ABCC10: variants seen among roughly 807,000 people sequenced by gnomAD.
ABCC10 encodes ATP binding cassette subfamily C member 10.
Under a neutral mutation model 143.2 loss-of-function variants are expected in ABCC10, and 110 were observed. The ratio of observed to expected loss-of-function variants is 0.77; its 90% confidence interval spans 0.66 to 0.90. The LOEUF (loss-of-function observed/expected upper bound fraction) is 0.90, where lower values mean the gene tolerates loss of function less well. ABCC10 is among the 40% of genes least tolerant of loss of function. ABCC10 has a pLI of 0.00. For missense variants in ABCC10, 1,700 were observed against 1,900.5 expected, an observed-to-expected ratio of 0.89 and a Z score of 1.96; for synonymous variants, 805 against 846.7, an observed-to-expected ratio of 0.95 and a Z score of 0.85.
Position 43,432,303 on chromosome 6 carries a change from C to T in ABCC10, c.323C>T (p.Ala108Val). Residue 108 changes from alanine (A) to valine (V), a missense_variant, in exon 3 of 22, where the codon GCA becomes GTA. Ala to Val is a moderately conservative substitution (Grantham distance 64). Coordinates refer to ENST00000372530, the MANE Select transcript of ABCC10 (RefSeq NM_001198934.2). The stretch of plus-strand genomic sequence containing the variant: ...CTAGAGGTGTTGGCAGGGTGCGTGG[C>T]AGCTGTGGCCTGGATCAGCCACAGC... ...IGLEVLAGCV[A>V]AVAWISHSLA... 3.1e-6 allele frequency: 5 copies of T among 1,614,192 alleles called. No individual in the cohort carries two copies. The highest frequency in any genetic ancestry group is 8.5e-7 in the Non-Finnish European group (1 of 1,180,032).
At position 43,435,653 on chromosome 6, in the gene ABCC10, G is replaced by T; in HGVS notation, c.1609-98G>T. The T allele has an allele frequency of 5.0e-6, 7 of 1,404,956 alleles. No homozygotes were observed. The Middle Eastern group carries it at 1.2e-3, about 243-fold the overall frequency. The allele number at this position is 1,404,956 out of a possible 1,614,324, so 87.0% of individuals were successfully genotyped here. ...CAGCCAGCCCTTCAGTTCTGTCATT[G>T]CCCAGTTCTTCCCTCCGTAGACCTG... is the stretch of plus-strand genomic sequence containing the variant. On this transcript the variant is annotated intron_variant, in intron 4 of 21. Transcript: ENST00000372530.
In ABCC10 at chr6:43,432,197, T is replaced by C. The variant is rs569842976; in HGVS notation, c.217T>C (p.Ser73Pro). Residue 73 changes from serine (S) to proline (P), a missense_variant, in exon 3 of 22, where the codon TCC becomes CCC. Coordinates refer to ENST00000372530, the MANE Select transcript of ABCC10 (RefSeq NM_001198934.2). The stretch of plus-strand genomic sequence containing the variant: ...TGGATGGCGCCTCCGACTTGCAGCT[T>C]CCTTCCTGCTTTCCGTCTTCCCGCT... ...SPGWRLRLAA[S>P]FLLSVFPLLD... 9.9e-6 allele frequency: 16 copies of C among 1,614,214 alleles called. No homozygotes were observed. The African/African-American group carries it at 1.9e-4, about 19-fold the overall frequency.
At chr6:43,449,865 G>C (rs1238434810) in intron 21 of ABCC10, 64 bp from the exon 22 acceptor site, 3 of 1,577,432 alleles carry the variant, frequency 1.9e-6, no homozygotes, top group South Asian at 1.1e-5. Context: ...AGGGAAAGCA[G>C]GTCAGTGTTC....
chr6:43,444,973 C>G (rs1782873193), intron 13 of ABCC10, 35 bp downstream of exon 13: 8 of 1,592,822 alleles, frequency 5.0e-6, no homozygotes, highest in African/African-American at 1.3e-5. Context: ...GCCTGGTGCT[C>G]TCAGAGTGGT....
intron 2 of ABCC10, among the ~76,000 whole-genome samples, chr6:43,428,725 T>C (rs1052468733): frequency 1.3e-5 from 2 of 152,232 alleles, no homozygotes; most frequent in Non-Finnish European, 2.9e-5. Context: ...TGGCTAGAGA[T>C]GACTAAAGTT....
chr6:43,428,994 A>C (rs906728028), intron 2 of ABCC10, among the ~76,000 whole-genome samples: 4 of 152,218 alleles, frequency 2.6e-5, no homozygotes, highest in African/African-American at 9.6e-5. Context: ...GCGGATACAC[A>C]GCTTCTCCTA....
chr6:43,445,977 G>T, intron 15 of ABCC10, 35 bp downstream of exon 15: 1 of 1,581,282 alleles, frequency 6.3e-7, no homozygotes, highest in Non-Finnish European at 8.6e-7. Flanking sequence ...ATGAGGTGTT[G>T]GGGGGAGAGG....
chr6:43,449,333 C>G (rs1447156763), intron 20 of ABCC10, 89 bp from the exon 21 acceptor site: 1 of 1,486,012 alleles, frequency 6.7e-7, no homozygotes, highest in Non-Finnish European at 9.2e-7. Flanking sequence ...AAGTGGGGAG[C>G]TGTGGTAGGG....
At position 43,432,204 on chromosome 6, in the gene ABCC10, T is replaced by G; in HGVS notation, c.224T>G (p.Leu75Arg). Residue 75 changes from leucine (L) to arginine (R), a missense_variant, in exon 3 of 22, where the codon CTG (leucine) becomes CGG (arginine). Physicochemically the swap from Leu to Arg is moderately radical, Grantham distance 102. Coordinates refer to ENST00000372530, the MANE Select transcript of ABCC10 (RefSeq NM_001198934.2). ...GWRLRLAASFLLSVFPLLDLL... is the reference protein window; with the variant it reads ...GWRLRLAASFRLSVFPLLDLL... The stretch of plus-strand genomic sequence containing the variant: ...CGCCTCCGACTTGCAGCTTCCTTCC[T>G]GCTTTCCGTCTTCCCGCTGCTAGAC... 6.2e-7 allele frequency: 1 copy of G among 1,614,240 alleles called. No individual in the cohort carries two copies. The highest frequency in any genetic ancestry group is 8.5e-7 in the Non-Finnish European group (1 of 1,180,030).
In ABCC10 at chr6:43,444,003, T is replaced by G. The variant is rs1782750851; in HGVS notation, c.2487T>G (p.Ser829=). 6.2e-7 allele frequency: 1 copy of G among 1,614,062 alleles called. No individual in the cohort carries two copies. Among genetic ancestry groups the G allele is most frequent in the African/African-American group, 1.3e-5 (1 of 75,056 alleles). Reference sequence around the variant, plus strand: ...CCTGGGCTGAGAATGGACAAGAGTCTGACTCAGGTATGGCTCCCCAGTGGG... The same window carrying G: ...CCTGGGCTGAGAATGGACAAGAGTCGGACTCAGGTATGGCTCCCCAGTGGG... ...PKAWAENGQE[S]DSATAQSVQN... The change falls in exon 11 of 22, where the codon TCT becomes TCG. Residue 829 remains serine, a synonymous_variant. Transcript: ENST00000372530.
At chr6:43,444,984 C>T (rs755986579) in intron 13 of ABCC10, 46 bp downstream of exon 13, 13 of 1,586,324 alleles carry the variant, frequency 8.2e-6, no homozygotes, top group South Asian at 3.4e-5. Context: ...TCAGAGTGGT[C>T]GCCAGGCAGG....
At chr6:43,450,624 T>C, downstream of ABCC10, 2 of 1,612,080 alleles carry the variant, frequency 1.2e-6, no homozygotes, top group Non-Finnish European at 1.7e-6. This position sits in a 1 kb window ranked among gnomAD's most constrained non-coding sequence, Gnocchi z 4.5. Context: ...CTGACACTCC[T>C]GGTCCTGGCA....
At chr6:43,437,891 C>T in intron 6 of ABCC10, 43 bp from the exon 7 acceptor site, 3 of 1,589,370 alleles carry the variant, frequency 1.9e-6, no homozygotes, top group Non-Finnish European at 2.6e-6. Flanking sequence ...CACCTCTGTC[C>T]TGTCTCCTAC....
intron 1 of ABCC10, 54 bp downstream of exon 1, chr6:43,427,811 C>A: frequency 1.3e-6 from 1 of 785,978 alleles, no homozygotes; most frequent in East Asian, 2.6e-5. Context: ...CGTTTTTACC[C>A]TTGGTACCGC....
At position 43,443,864 on chromosome 6, in the gene ABCC10, A is replaced by G; in HGVS notation, c.2417-69A>G. 2 of 1,462,404 alleles carry G rather than the reference A, an allele frequency of 1.4e-6. No individual in the cohort carries two copies. The highest frequency in any genetic ancestry group is 1.9e-6 in the Non-Finnish European group (2 of 1,041,984). 90.6% of individuals were successfully genotyped at this position (1,462,404 alleles called of 1,614,324 possible). ...TGAGAGGATGAGAGGTGGGATCTGC[A>G]CACGCACTGAGAAAGGCATAGTATA... On this transcript the variant is annotated intron_variant, in intron 10 of 21. Transcript: ENST00000372530. The surrounding 1 kb of genome is among the most constrained non-coding windows in gnomAD (Gnocchi z 4.2).
rs370880988 is a variant in ABCC10, at chr6:43,437,982, C to A, written c.1924C>A (p.Leu642Met). The A allele has an allele frequency of 6.2e-7, 1 of 1,613,168 alleles. No individual in the cohort carries two copies. The highest frequency in any genetic ancestry group is 1.3e-5 in the African/African-American group (1 of 74,920). Residue 642 changes from leucine (L) to methionine (M), a missense_variant, in exon 7 of 22, where the codon CTG becomes ATG. Physicochemically the swap from Leu to Met is conservative, Grantham distance 15. Coordinates refer to ENST00000372530, the MANE Select transcript of ABCC10 (RefSeq NM_001198934.2). ...VGKVGCGKSSLLAAIAGELHR... is the reference protein window; with the variant it reads ...VGKVGCGKSSMLAAIAGELHR... ...GAAGGTCGGCTGTGGGAAGAGCTCC[C>A]TGCTGGCTGCCATCGCTGGAGAGCT...
At chr6:43,451,990 G>A (rs1399920863), downstream of ABCC10, 1 of 1,614,078 alleles carries the variant, frequency 6.2e-7, no homozygotes, top group African/African-American at 1.3e-5. The surrounding 1 kb of genome is among the most constrained non-coding windows in gnomAD (Gnocchi z 4.4). Flanking sequence ...GCCCATGGAA[G>A]CCTGGTAAGC....
intron 16 of ABCC10, chr6:43,446,786 G>A (rs1783132343): frequency 8.5e-7 from 1 of 1,177,886 alleles, no homozygotes; most frequent in Non-Finnish European, 1.1e-6. Context: ...CCCCTGCCCT[G>A]CATCTGGCCT....
At chr6:43,446,050 A>C in intron 15 of ABCC10, 108 bp downstream of exon 15, 1 of 1,299,388 alleles carries the variant, frequency 7.7e-7, no homozygotes, top group South Asian at 1.5e-5. Context: ...TCCTGGGGAC[A>C]AGGGATGGGG....
Sources: allele counts gnomAD v4.1 joint callset (sites outside exome capture counted in the v4.1 genomes callset), GRCh38; gene constraint gnomAD v4.1.1; non-coding constraint Gnocchi (gnomAD v3.1); transcripts MANE v1.5; gene names NCBI Gene and HGNC (gene_info 2026-07-23, HGNC 2026-07-21).